TRAK2: variants seen among roughly 807,000 people sequenced by gnomAD.
TRAK2 encodes trafficking kinesin-binding protein 2.
In TRAK2, 81 loss-of-function variants were observed where a neutral mutation model predicts 104.6. The observed-to-expected ratio is 0.77, with a 90% CI of 0.65 to 0.93. TRAK2 has a LOEUF of 0.93. Ranked by LOEUF, TRAK2 falls within the 40% of genes least tolerant of loss-of-function variation. The pLI is 0.00. For missense variants in TRAK2, 1,002 were observed against 1,089.0 expected (o/e 0.92, Z 1.12); for synonymous variants, 406 against 394.4 (o/e 1.03, Z -0.35).
chr2:201,398,427 TG>T, intron 5 of TRAK2, 73 bp from the exon 6 acceptor site: 1 of 1,327,796 alleles, frequency 7.5e-7, no homozygotes, highest in Admixed American at 2.1e-5. Flanking sequence ...TTCTAATTCA[TG>T]GAACAATTAT....
At chr2:201,418,080 T>C (rs1951708932) in intron 2 of TRAK2, among the ~76,000 whole-genome samples, 1 of 152,216 alleles carries the variant, frequency 6.6e-6, no homozygotes, top group Non-Finnish European at 1.5e-5. Context: ...ATCAAGTTTA[T>C]GGATTAGGAG....
intron 1 of TRAK2, among the ~76,000 whole-genome samples, chr2:201,428,428 C>A (rs903892998): frequency 1.4e-4 from 22 of 152,286 alleles, no homozygotes; most frequent in South Asian, 1.2e-3. Flanking sequence ...AATAGGGAAT[C>A]CTTTCCCCAT....
intron 1 of TRAK2, among the ~76,000 whole-genome samples, chr2:201,443,998 C>T (rs574634672): frequency 4.9e-4 from 75 of 152,170 alleles, no homozygotes; most frequent in African/African-American, 1.6e-3. Flanking sequence ...TTCAGGAGTT[C>T]GAGATCTGCC....
In TRAK2 at chr2:201,387,893, G is replaced by T. The variant is rs116586259; in HGVS notation, c.1506C>A (p.Phe502Leu). ...RRQNYLSEKQ[F>L]FAEEWQRKIQ... ...TCTTCCGCTGCCATTCTTCAGCAAA[G>T]AACTGCTTCTCACTTAAATAGTTTT... Residue 502 changes from phenylalanine to leucine, a missense_variant, in exon 13 of 16, where the codon TTC (phenylalanine) becomes TTA (leucine). Transcript: ENST00000332624. The T allele has an allele frequency of 6.2e-7, 1 of 1,614,032 alleles. No homozygotes were observed. Among genetic ancestry groups the T allele is most frequent in the African/African-American group, 1.3e-5 (1 of 74,900 alleles).
intron 1 of TRAK2, among the ~76,000 whole-genome samples, chr2:201,446,292 T>A (rs1162100851): frequency 6.6e-6 from 1 of 152,176 alleles, no homozygotes; most frequent in Non-Finnish European, 1.5e-5. Flanking sequence ...TGTAACTCTG[T>A]CCATGCTATT....
rs1046082074 is a variant in TRAK2, at chr2:201,398,394, T to G, written c.481-40A>C. The stretch of plus-strand genomic sequence containing the variant: ...TGCTTGATTTTCATGTTCTTTATTT[T>G]GCATTATTTATAGCAATATAGCTTC... On this transcript the variant is annotated intron_variant, in intron 5 of 15. Transcript: ENST00000332624. 1.9e-6 allele frequency: 3 copies of G among 1,562,638 alleles called. No individual in the cohort carries two copies. The East Asian group carries it at 6.8e-5, about 35-fold the overall frequency.
chr2:201,385,868 G>A (rs895336616), intron 14 of TRAK2, among the ~76,000 whole-genome samples: 4 of 152,086 alleles, frequency 2.6e-5, no homozygotes, highest in Non-Finnish European at 5.9e-5. Flanking sequence ...ATATTTTTAT[G>A]GTTTTTCAGT....
chr2:201,438,092 AGAG>A (rs1951891956), intron 1 of TRAK2, among the ~76,000 whole-genome samples: 1 of 152,222 alleles, frequency 6.6e-6, no homozygotes, highest in Non-Finnish European at 1.5e-5. Context: ...ACACAATTGA[AGAG>A]GAGACACCAC....
rs1347417591 is a variant in TRAK2, at chr2:201,420,443, T to C, written c.65A>G (p.Asn22Ser). The C allele has an allele frequency of 6.2e-7, 1 of 1,613,948 alleles. No individual in the cohort carries two copies. Among genetic ancestry groups the C allele is most frequent in the Non-Finnish European group, 8.5e-7 (1 of 1,179,960 alleles). ...AGTGATGCTCTCCGAGTCTCTGTGA[T>C]TGCTATTCATGAGGTTTTCTTCACC... ...PTGEENLMNS[N>S]HRDSESITDV... The change falls in exon 2 of 16, where the codon AAT becomes AGT. Residue 22 changes from asparagine (N) to serine (S), a missense_variant. By Grantham distance (46) the Asn-to-Ser change is conservative (BLOSUM62 1). Coordinates refer to ENST00000332624, the MANE Select transcript of TRAK2 (RefSeq NM_015049.3).
chr2:201,392,272 T>A (rs1951455246), intron 10 of TRAK2, among the ~76,000 whole-genome samples: 1 of 152,090 alleles, frequency 6.6e-6, no homozygotes, highest in Non-Finnish European at 1.5e-5. Flanking sequence ...ATTTCAAACA[T>A]AAAAAACAAA....
Position 201,397,582 on chromosome 2 carries a change from T to A in TRAK2, c.691-2A>T. The A allele has an allele frequency of 6.2e-7, 1 of 1,609,070 alleles. No individual in the cohort carries two copies. On this transcript the variant is annotated splice_acceptor_variant, in intron 6 of 15. Transcript: ENST00000332624. LOFTEE classifies it high-confidence loss of function. ...AGTTTCTGTCTTTATGTGACAAGCCTTCAAGAAAAAAATCAGTATGTGACA... is the reference window on the plus strand; with the variant it reads ...AGTTTCTGTCTTTATGTGACAAGCCATCAAGAAAAAAATCAGTATGTGACA...
chr2:201,421,386 C>T (rs73988784), intron 1 of TRAK2, among the ~76,000 whole-genome samples: 9,053 of 152,110 alleles, frequency 0.06, 570 homozygotes, highest in East Asian at 0.26. Flanking sequence ...ATGAAGAAGA[C>T]GAAATGGAAT....
chr2:201,411,647 T>G, intron 2 of TRAK2: 1 of 797,458 alleles, frequency 1.3e-6, no homozygotes, highest in Non-Finnish European at 2.3e-6. Context: ...CTTTGGTGAT[T>G]CCCAACTTAT....
chr2:201,428,782 G>A (rs1033359642), intron 1 of TRAK2, among the ~76,000 whole-genome samples: 6 of 152,176 alleles, frequency 3.9e-5, no homozygotes, highest in African/African-American at 1.4e-4. Flanking sequence ...TCACGATGTT[G>A]ATTTTTCCTA....
intron 1 of TRAK2, among the ~76,000 whole-genome samples, chr2:201,430,581 C>T (rs950766470): frequency 6.6e-6 from 1 of 152,230 alleles, no homozygotes; most frequent in Non-Finnish European, 1.5e-5. Flanking sequence ...TCTTGGACTG[C>T]TGTGCTAGCC....
At chr2:201,386,575 A>G (rs1407707804) in intron 13 of TRAK2, 91 bp from the exon 14 acceptor site, 2 of 1,461,472 alleles carry the variant, frequency 1.4e-6, no homozygotes, top group Non-Finnish European at 1.9e-6. Context: ...TGTAATAACA[A>G]TAATGACAGC....
Position 201,420,680 on chromosome 2 carries a change from G to A in TRAK2, c.-173C>T, listed in dbSNP as rs1268053748. 3 of 577,014 alleles carry A rather than the reference G, an allele frequency of 5.2e-6. No individual in the cohort carries two copies. The highest frequency in any genetic ancestry group is 9.3e-6 in the Non-Finnish European group (3 of 321,780). The allele number at this position is 577,014 out of a possible 1,614,324, so 35.7% of individuals were successfully genotyped here. A position where few individuals can be genotyped will look rare whatever the true frequency, so the allele number is the denominator to read the frequency against. ...TCCGTAGCAACGAGCACTCTCATGT[G>A]ATTATCATACTTTGGACAGTCATGA... is the stretch of plus-strand genomic sequence containing the variant. On this transcript the variant is annotated 5_prime_UTR_variant, in exon 2 of 16. Transcript: ENST00000332624.
chr2:201,438,963 T>C (rs1951899267), intron 1 of TRAK2, among the ~76,000 whole-genome samples: 1 of 152,170 alleles, frequency 6.6e-6, no homozygotes, highest in African/African-American at 2.4e-5. Context: ...TGTATTACCA[T>C]AAATTGGGAA....
At chr2:201,417,003 G>C (rs896489683) in intron 2 of TRAK2, among the ~76,000 whole-genome samples, 2 of 142,860 alleles carry the variant, frequency 1.4e-5, no homozygotes, top group African/African-American at 5.1e-5. Flanking sequence ...CAGATGATCA[G>C]ACTGGATTTT....
Sources: gnomAD v4.1 joint callset for allele counts (sites outside exome capture counted in the v4.1 genomes callset) on GRCh38, gnomAD v4.1.1 for gene constraint, MANE v1.5 for transcripts, NCBI Gene and HGNC (gene_info 2026-07-23, HGNC 2026-07-21) for gene names.